OSBP: variants seen among roughly 807,000 people sequenced by gnomAD.
OSBP encodes the protein oxysterol binding protein, also known as oxysterol-binding protein 1.
A neutral mutation model predicts 96.6 loss-of-function variants in OSBP; 32 were observed. That is an observed-to-expected ratio of 0.33 (90% confidence interval 0.25 to 0.45). The LOEUF (loss-of-function observed/expected upper bound fraction) is 0.45. OSBP is among the 20% of genes least tolerant of loss of function. The pLI is 1.00. For missense variants in OSBP, 653 were observed against 1,029.7 expected (o/e 0.63, Z 5.01); for synonymous variants, 369 against 389.6 (o/e 0.95, Z 0.62).
Position 59,592,920 on chromosome 11 carries a change from C to T in OSBP, c.1678+684G>A, listed in dbSNP as rs188769821. 2.2e-3 allele frequency among the ~76,000 whole-genome samples: 335 copies of T among 152,094 alleles called. 3 individuals carry two copies. Among genetic ancestry groups the T allele is most frequent in the Non-Finnish European group, 3.7e-3 (252 of 67,964 alleles). ...AAGCAATTCTTGTGCCTCAGCCTCCCGAGTAGCTGAGACTACAGGTGTGCA... is the reference window on the plus strand; with the variant it reads ...AAGCAATTCTTGTGCCTCAGCCTCCTGAGTAGCTGAGACTACAGGTGTGCA... On this transcript the variant is annotated intron_variant, in intron 9 of 13. Coordinates refer to ENST00000263847, the MANE Select transcript of OSBP (RefSeq NM_002556.3).
chr11:59,598,318 T>C (rs910210304), intron 7 of OSBP, among the ~76,000 whole-genome samples: 3 of 152,196 alleles, frequency 2.0e-5, no homozygotes. Flanking sequence ...AAACCACACA[T>C]TGGTCCATAG....
chr11:59,601,371 C>A lies in OSBP; in HGVS notation c.1036G>T (p.Gly346Cys), dbSNP rs1860722407. The change falls in exon 5 of 14, where the codon GGC becomes TGC. Residue 346 changes from glycine to cysteine, a missense_variant. Coordinates refer to ENST00000263847, the MANE Select transcript of OSBP (RefSeq NM_002556.3). Reference sequence around the variant, plus strand: ...TCTTCATCGCTCATGTCCCCTTTGCCAGAGCAGCACTGATCTACAAGAAGA... The same window carrying A: ...TCTTCATCGCTCATGTCCCCTTTGCAAGAGCAGCACTGATCTACAAGAAGA... ...VGSGKDQCCS[G>C]KGDMSDEDDE... 2 of 1,610,308 alleles carry A rather than the reference C, an allele frequency of 1.2e-6. No homozygotes were observed. The highest frequency in any genetic ancestry group is 1.3e-5 in the African/African-American group (1 of 74,848).
chr11:59,579,759 G>C lies in OSBP; in HGVS notation c.1878+415C>G, dbSNP rs191318522. 1.3e-3 allele frequency among the ~76,000 whole-genome samples: 190 copies of C among 149,672 alleles called. 3 individuals are homozygous for C. Among genetic ancestry groups the C allele is most frequent in the African/African-American group, 4.4e-3 (179 of 40,580 alleles). ...TTTTGAGACGGAGTCTCGCTCTGTT[G>C]CCCAGGCTGGGGTGCAATGGTGCGA... On this transcript the variant is annotated intron_variant, in intron 11 of 13. Coordinates refer to ENST00000263847, the MANE Select transcript of OSBP (RefSeq NM_002556.3).
chr11:59,610,628 G>A (rs1298618854), intron 1 of OSBP, 39 bp from the exon 2 acceptor site: 1 of 1,501,120 alleles, frequency 6.7e-7, no homozygotes. Flanking sequence ...ACAGAAAGTT[G>A]ACGGTTTATC....
intron 9 of OSBP, among the ~76,000 whole-genome samples, chr11:59,591,250 T>A (rs1056543007): frequency 2.5e-4 from 38 of 152,180 alleles, no homozygotes; most frequent in African/African-American, 9.2e-4. Context: ...AAAAATTAGA[T>A]CCACCATCTA....
In OSBP at chr11:59,610,560, C is replaced by G; in HGVS notation, c.392G>C (p.Arg131Pro). ...RSKAEMRHTC[R>P]GTINLATANI... ...GGCTGTGGCGAGGTTGATGGTACCA[C>G]GGCAGGTATGTCTCATTTCTGCCTT... Residue 131 changes from arginine (R) to proline (P), a missense_variant, in exon 2 of 14, where the codon CGT becomes CCT. Transcript: ENST00000263847. 6.2e-7 allele frequency: 1 copy of G among 1,614,062 alleles called. No homozygotes were observed. The highest frequency in any genetic ancestry group is 8.5e-7 in the Non-Finnish European group (1 of 1,179,926).
chr11:59,603,531 T>G (rs1241124047), intron 3 of OSBP, among the ~76,000 whole-genome samples: 1 of 118,122 alleles, frequency 8.5e-6, no homozygotes, highest in Non-Finnish European at 1.7e-5. Flanking sequence ...CACCTTCAGT[T>G]TTTTTTTTTT....
intron 7 of OSBP, among the ~76,000 whole-genome samples, chr11:59,597,853 G>A (rs1000833008): frequency 6.6e-6 from 1 of 152,016 alleles, no homozygotes; most frequent in Non-Finnish European, 1.5e-5. Context: ...CTACAGGCTC[G>A]TGCCACCATG....
chr11:59,598,587 G>A (rs765252961), intron 7 of OSBP, among the ~76,000 whole-genome samples: 32 of 152,104 alleles, frequency 2.1e-4, no homozygotes, highest in Non-Finnish European at 3.7e-4. Flanking sequence ...CAACTTCCAG[G>A]AAGTATCTTC....
chr11:59,610,631 G>T (rs199694782), intron 1 of OSBP, 42 bp from the exon 2 acceptor site: 8 of 1,474,852 alleles, frequency 5.4e-6, no homozygotes, highest in Non-Finnish European at 7.6e-6. Flanking sequence ...GAAAGTTGAC[G>T]GTTTATCCTT....
chr11:59,584,488 A>G (rs953080742), intron 9 of OSBP, among the ~76,000 whole-genome samples: 2 of 152,264 alleles, frequency 1.3e-5, no homozygotes, highest in African/African-American at 2.4e-5. Flanking sequence ...GGTTGAACAC[A>G]TAAAAACTGG....
chr11:59,577,124 G>A, intron 12 of OSBP, 99 bp from the exon 13 acceptor site: 1 of 918,164 alleles, frequency 1.1e-6, no homozygotes, highest in Non-Finnish European at 1.6e-6. Context: ...CATCACCAAG[G>A]CTGTTCTACA....
At chr11:59,585,194 C>A (rs540116766) in intron 9 of OSBP, among the ~76,000 whole-genome samples, 1 of 151,228 alleles carries the variant, frequency 6.6e-6, no homozygotes, top group South Asian at 2.1e-4. Context: ...AAGTGAGGAG[C>A]GCCTCTTCCC....
Position 59,600,623 on chromosome 11 carries a change from T to C in OSBP, c.1184A>G (p.Lys395Arg), listed in dbSNP as rs200726039. Residue 395 changes from lysine to arginine, a missense_variant, in exon 7 of 14, where the codon AAG becomes AGG. Lys to Arg is a conservative substitution (Grantham distance 26). Around this residue, in one of 6 missense-constraint regions of OSBP, gnomAD observed 308 missense variants for 573.1 expected, o/e 0.54. Coordinates refer to ENST00000263847, the MANE Select transcript of OSBP (RefSeq NM_002556.3). ...CTTTTTGGTCTCCTCCAGCTGATGC[T>C]TGTACTGAGAGCAAAACAAAGCCAT... ...SSDISLDEQY[K>R]HQLEETKKEK... 3.1e-6 allele frequency: 5 copies of C among 1,613,934 alleles called. No homozygotes were observed. In the African/African-American group the frequency reaches 4.0e-5, roughly 13 times the overall value.
At chr11:59,590,927 G>A (rs1326623873) in intron 9 of OSBP, among the ~76,000 whole-genome samples, 1 of 152,160 alleles carries the variant, frequency 6.6e-6, no homozygotes, top group Non-Finnish European at 1.5e-5. Context: ...CTATCACAAA[G>A]TCAATTCTTT....
intron 7 of OSBP, among the ~76,000 whole-genome samples, chr11:59,596,066 A>G (rs546435908): frequency 1.3e-5 from 2 of 152,212 alleles, no homozygotes; most frequent in South Asian, 4.1e-4. Flanking sequence ...AACATTTTCC[A>G]GTGAACACAG....
intron 3 of OSBP, among the ~76,000 whole-genome samples, chr11:59,602,562 C>T (rs1860736564): frequency 6.6e-6 from 1 of 152,212 alleles, no homozygotes; most frequent in Admixed American, 6.5e-5. Context: ...ACGGCCATCA[C>T]CTGCCTTGTA....
rs76816723 is a variant in OSBP, at chr11:59,580,493, T to C, written c.1783-224A>G. Among the ~76,000 whole-genome samples, 515 of 152,254 alleles carry C rather than the reference T, an allele frequency of 3.4e-3. 2 individuals are homozygous for C. Among genetic ancestry groups the C allele is most frequent in the Non-Finnish European group, 4.4e-3 (301 of 68,034 alleles). ...CACTTGTTTTGAATTGTATCTCACA[T>C]GTTAGATGGCATGATTTGACCTTCA... On this transcript the variant is annotated intron_variant, in intron 10 of 13. Transcript: ENST00000263847.
intron 9 of OSBP, among the ~76,000 whole-genome samples, chr11:59,586,130 C>A (rs1428382253): frequency 6.7e-6 from 1 of 150,202 alleles, no homozygotes; most frequent in Non-Finnish European, 1.5e-5. Context: ...CCTGCCAAAT[C>A]CCCCTCTGCG....
Sources: gnomAD v4.1 joint callset for allele counts (sites outside exome capture counted in the v4.1 genomes callset) on GRCh38, gnomAD v4.1.1 for gene constraint, gnomAD v4.1.1 regional missense constraint, MANE v1.5 for transcripts, NCBI Gene and HGNC (gene_info 2026-07-23, HGNC 2026-07-21) for gene names.